The following SRSF2 variants were observed in gnomAD, a reference collection of about 807,000 sequenced individuals.
SRSF2 encodes serine and arginine rich splicing factor 2.
SRSF2 carries 4 observed loss-of-function variants against 15.7 expected under a neutral mutation model. That is an observed-to-expected ratio of 0.26 (90% confidence interval 0.13 to 0.58). SRSF2 has a LOEUF of 0.58. Ranked by LOEUF, SRSF2 falls within the 20% of genes least tolerant of loss-of-function variation. The pLI is 0.90. For missense variants in SRSF2, 147 were observed against 332.4 expected (o/e 0.44, Z 4.34); for synonymous variants, 192 against 138.9 (o/e 1.38, Z -2.69).
intron 2 of SRSF2, 68 bp downstream of exon 2, chr17:76,736,086 C>T: frequency 6.8e-7 from 1 of 1,470,148 alleles, no homozygotes; most frequent in Non-Finnish European, 9.1e-7. Context: ...ATTAACACGA[C>T]TCAAAAAGAC....
At chr17:76,736,088 C>G in intron 2 of SRSF2, 66 bp downstream of exon 2, 1 of 1,484,018 alleles carries the variant, frequency 6.7e-7, no homozygotes, top group Non-Finnish European at 9.1e-7. Context: ...TAACACGACT[C>G]AAAAAGACCT....
rs1313655487 is a variant in SRSF2, at chr17:76,736,879, G to A, written c.282C>T (p.Arg94=). Reference sequence around the variant, plus strand: ...GGCGGCTGTGGTGTGAGTCCGGGGGGCGGCCGTAGCGCGCCATTTGCACCC... The same window carrying A: ...GGCGGCTGTGGTGTGAGTCCGGGGGACGGCCGTAGCGCGCCATTTGCACCC... The part of the protein sequence containing the change: ...ELRVQMARYG[R]PPDSHHSRRG... The change falls in exon 1 of 3, where the codon CGC becomes CGT. Residue 94 remains arginine (R), a synonymous_variant. Coordinates refer to ENST00000359995, the MANE Select transcript of SRSF2 (RefSeq NM_001195427.2). The A allele has an allele frequency of 8.1e-6, 13 of 1,611,398 alleles. No homozygotes were observed. Among genetic ancestry groups the A allele is most frequent in the East Asian group, 2.2e-5 (1 of 44,856 alleles).
In SRSF2 at chr17:76,737,099, A is replaced by C; in HGVS notation, c.62T>G (p.Leu21Arg). Residue 21 changes from leucine to arginine, a missense_variant, in exon 1 of 3, where the codon CTG becomes CGG. Leu to Arg is a moderately radical substitution (Grantham distance 102). Transcript: ENST00000359995. Reference protein sequence around the residue: ...EGMTSLKVDNLTYRTSPDTLR... With the variant: ...EGMTSLKVDNRTYRTSPDTLR... Reference sequence around the variant, plus strand: ...CGTGTCGGGCGAGGTGCGGTAGGTCAGGTTGTCCACCTTGAGGGAGGTCAT... The same window carrying C: ...CGTGTCGGGCGAGGTGCGGTAGGTCCGGTTGTCCACCTTGAGGGAGGTCAT... The C allele has an allele frequency of 6.2e-7, 1 of 1,611,128 alleles. No homozygotes were observed. Among genetic ancestry groups the C allele is most frequent in the African/African-American group, 1.3e-5 (1 of 74,930 alleles).
chr17:76,735,089 G>A lies in SRSF2; in HGVS notation c.*77C>T, dbSNP rs2077394922. 1 of 219,658 alleles carries A rather than the reference G, an allele frequency of 4.6e-6. No homozygotes were observed. Among genetic ancestry groups the A allele is most frequent in the Admixed American group, 5.8e-5 (1 of 17,298 alleles). The allele number at this position is 219,658 out of a possible 1,614,324, so 13.6% of individuals were successfully genotyped here. A position where few individuals can be genotyped will look rare whatever the true frequency, so the allele number is the denominator to read the frequency against. On this transcript the variant is annotated 3_prime_UTR_variant, in exon 3 of 3. Transcript: ENST00000359995. ...TTCAATAGCCAGTTGCTTGTTCCAA[G>A]GACTCTTCTTCGATGGACTATGTGG...
rs2143927542 is a variant in SRSF2, at chr17:76,736,329, T to C, written c.498A>G (p.Ala166=). ...RSRSTSKSRS[A]RRSKSKSSSV... ...ACGAGGACTTGGACTTGGACCTTCG[T>C]GCGGATCTGGACTTGGAGGTCGACC... is the stretch of plus-strand genomic sequence containing the variant. The change falls in exon 2 of 3, where the codon GCA becomes GCG. Residue 166 remains alanine, a synonymous_variant. Transcript: ENST00000359995. 1 of 1,613,846 alleles carries C rather than the reference T, an allele frequency of 6.2e-7. No individual in the cohort carries two copies. The highest frequency in any genetic ancestry group is 8.5e-7 in the Non-Finnish European group (1 of 1,179,954).
At position 76,734,678 on chromosome 17, in the gene SRSF2, C is replaced by A. The variant is rs760654732; in HGVS notation, c.*488G>T. On this transcript the variant is annotated 3_prime_UTR_variant, in exon 3 of 3. Coordinates refer to ENST00000359995, the MANE Select transcript of SRSF2 (RefSeq NM_001195427.2). ...TTTATACAAATTTGGGTTCAGATTA[C>A]CATTTAGATCTGAAGGTAAATAACA... 1.3e-5 allele frequency: 3 copies of A among 230,956 alleles called. No individual in the cohort carries two copies. The highest frequency in any genetic ancestry group is 2.7e-5 in the Non-Finnish European group (3 of 112,446). 14.3% of individuals were successfully genotyped at this position (230,956 alleles called of 1,614,324 possible).
At position 76,737,305 on chromosome 17, in the gene SRSF2, G is replaced by T. The variant is rs1012379426; in HGVS notation, c.-145C>A. 5.3e-6 allele frequency: 6 copies of T among 1,138,740 alleles called. No homozygotes were observed. Among genetic ancestry groups the T allele is most frequent in the African/African-American group, 3.1e-5 (2 of 63,546 alleles). 70.5% of individuals were successfully genotyped at this position (1,138,740 alleles called of 1,614,324 possible). On this transcript the variant is annotated 5_prime_UTR_variant, in exon 1 of 3. Transcript: ENST00000359995. Reference sequence around the variant, plus strand: ...CCGCAGAACAGCACGGACGGGCTCCGCAGGCTAGCGCACCTGAGTAACAAC... The same window carrying T: ...CCGCAGAACAGCACGGACGGGCTCCTCAGGCTAGCGCACCTGAGTAACAAC...
chr17:76,735,559 T>C (rs2077422245), intron 2 of SRSF2: 1 of 230,834 alleles, frequency 4.3e-6, no homozygotes, highest in Non-Finnish European at 8.6e-6. Context: ...TTTTAAAAAA[T>C]AGGACCAAAC....
chr17:76,735,129 G>A lies in SRSF2; in HGVS notation c.*37C>T, dbSNP rs2077396215. 4.6e-6 allele frequency: 1 copy of A among 218,790 alleles called. No homozygotes were observed. The highest frequency in any genetic ancestry group is 2.3e-5 in the African/African-American group (1 of 44,434). 13.6% of individuals were successfully genotyped at this position (218,790 alleles called of 1,614,324 possible). ...GGACTATGTGGTCCTTTTTCCCCAA[G>A]TCCTCCGTTTACACTGCTTGCCGAT... On this transcript the variant is annotated 3_prime_UTR_variant, in exon 3 of 3. Transcript: ENST00000359995.
At chr17:76,736,666 G>C (rs979272036) in intron 1 of SRSF2, 133 bp downstream of exon 1, 1 of 1,214,482 alleles carries the variant, frequency 8.2e-7, no homozygotes, top group East Asian at 3.2e-5. Flanking sequence ...GTGGCCGGAG[G>C]GTCGCGAGAC....
In SRSF2 at chr17:76,734,286, C is replaced by T; in HGVS notation, c.*880G>A. ...TTAAGTTCATACATGTAGATATGAT[C>T]AGATTTACCATTTTTAGGGGGAAGA... On this transcript the variant is annotated 3_prime_UTR_variant, in exon 3 of 3. Transcript: ENST00000359995. The T allele has an allele frequency of 4.4e-6, 1 of 228,470 alleles. No individual in the cohort carries two copies. The highest frequency in any genetic ancestry group is 6.4e-5 in the East Asian group (1 of 15,682). 14.2% of individuals were successfully genotyped at this position (228,470 alleles called of 1,614,324 possible).
chr17:76,736,199 G>C lies in SRSF2; in HGVS notation c.628C>G (p.Pro210Ala), dbSNP rs2143921994. The change falls in exon 2 of 3, where the codon CCC becomes GCC. Residue 210 changes from proline (P) to alanine (A), a missense_variant. Around this residue, in one of 2 missense-constraint regions of SRSF2, gnomAD observed 125 missense variants for 185.1 expected, o/e 0.68. Transcript: ENST00000359995. ...GCTCCTTCCTCTTCAGGAGACTTGGGGGGACTCTTCGATCGCGACCTGGAT... is the reference window on the plus strand; with the variant it reads ...GCTCCTTCCTCTTCAGGAGACTTGGCGGGACTCTTCGATCGCGACCTGGAT... Reference protein sequence around the residue: ...SKSRSRSKSPPKSPEEEGAVS... With the variant: ...SKSRSRSKSPAKSPEEEGAVS... 6.2e-7 allele frequency: 1 copy of C among 1,613,964 alleles called. No homozygotes were observed. Among genetic ancestry groups the C allele is most frequent in the Non-Finnish European group, 8.5e-7 (1 of 1,179,948 alleles).
In SRSF2 at chr17:76,734,516, C is replaced by T. The variant is rs2077378325; in HGVS notation, c.*650G>A. The T allele has an allele frequency of 4.2e-6, 1 of 235,354 alleles. No homozygotes were observed. Among genetic ancestry groups the T allele is most frequent in the South Asian group, 1.8e-4 (1 of 5,502 alleles). The allele number at this position is 235,354 out of a possible 1,614,324, so 14.6% of individuals were successfully genotyped here. A position where few individuals can be genotyped will look rare whatever the true frequency, so the allele number is the denominator to read the frequency against. ...GCCAAGCACTCTGCACTGCAACACG[C>T]CACCTTAACAGCTAACCAGCATTAC... On this transcript the variant is annotated 3_prime_UTR_variant, in exon 3 of 3. Transcript: ENST00000359995.
At chr17:76,736,528 G>A (rs1255938800) in intron 1 of SRSF2, 64 bp from the exon 2 acceptor site, 3 of 1,537,054 alleles carry the variant, frequency 2.0e-6, no homozygotes, top group Non-Finnish European at 2.6e-6. Flanking sequence ...CCCCGCCCGC[G>A]CGCTCCCGCC....
chr17:76,737,336 G>A (rs1012018154), upstream of SRSF2: 50 of 830,864 alleles, frequency 6.0e-5, no homozygotes, highest in Non-Finnish European at 7.4e-5. Context: ...ACAACTGGGC[G>A]GGCAGCCGGC....
chr17:76,736,734 G>T, intron 1 of SRSF2, 65 bp downstream of exon 1: 5 of 1,384,764 alleles, frequency 3.6e-6, no homozygotes, highest in Non-Finnish European at 4.7e-6. Context: ...GCGGACCTTT[G>T]TGAGGTCGCC....
rs976027453 is a variant in SRSF2 at position 76,736,592 on chromosome 17, T to G, written c.363-128A>C. ...CCATTTCCCCAGTCGCGAGGCGGGG[T>G]CCTCCGCCCCGCGCCGCCCACACCC... On this transcript the variant is annotated intron_variant, in intron 1 of 2. Coordinates refer to ENST00000359995, the MANE Select transcript of SRSF2 (RefSeq NM_001195427.2). 10 of 1,212,674 alleles carry G rather than the reference T, an allele frequency of 8.2e-6. No homozygotes were observed. The Admixed American group carries it at 2.9e-4, about 35-fold the overall frequency. The allele number at this position is 1,212,674 out of a possible 1,614,324, so 75.1% of individuals were successfully genotyped here.
In SRSF2 at chr17:76,734,805, C is replaced by T. The variant is rs1202409362; in HGVS notation, c.*361G>A. 1 of 239,128 alleles carries T rather than the reference C, an allele frequency of 4.2e-6. No individual in the cohort carries two copies. The highest frequency in any genetic ancestry group is 2.2e-5 in the African/African-American group (1 of 44,824). The allele number at this position is 239,128 out of a possible 1,614,324, so 14.8% of individuals were successfully genotyped here. A position where few individuals can be genotyped will look rare whatever the true frequency, so the allele number is the denominator to read the frequency against. On this transcript the variant is annotated 3_prime_UTR_variant, in exon 3 of 3. Coordinates refer to ENST00000359995, the MANE Select transcript of SRSF2 (RefSeq NM_001195427.2). Reference sequence around the variant, plus strand: ...CTTTAGGCTGTGTGTAATGGCTGCACACGTTTTCCTTAAAAGTCAGGAGGC... The same window carrying T: ...CTTTAGGCTGTGTGTAATGGCTGCATACGTTTTCCTTAAAAGTCAGGAGGC...
chr17:76,736,707 G>T (rs556956650), intron 1 of SRSF2, 92 bp downstream of exon 1: 70 of 1,330,582 alleles, frequency 5.3e-5, no homozygotes, highest in Admixed American at 7.7e-5. Context: ...GTCCGGGCCC[G>T]CACCACGTGC....
Sources: gnomAD v4.1 joint callset for allele counts on GRCh38, gnomAD v4.1.1 for gene constraint, gnomAD v4.1.1 regional missense constraint, MANE v1.5 for transcripts, NCBI Gene and HGNC (gene_info 2026-07-23, HGNC 2026-07-21) for gene names.